The following CLYBL variants were observed in gnomAD, a reference collection of about 807,000 sequenced individuals.
CLYBL encodes citramalyl-CoA lyase, mitochondrial.
In CLYBL, 31 loss-of-function variants were observed where a neutral mutation model predicts 38.9. That is an observed-to-expected ratio of 0.80 (90% confidence interval 0.60 to 1.08). The LOEUF is 1.08. Among genes scored for constraint, CLYBL ranks in the 50% least tolerant of loss-of-function variants. The pLI, the probability that CLYBL is intolerant of heterozygous loss-of-function variation, is 0.00. For missense variants in CLYBL, 434 were observed against 411.6 expected, an observed-to-expected ratio of 1.05 and a Z score of -0.47; for synonymous variants, 171 against 158.6, an observed-to-expected ratio of 1.08 and a Z score of -0.59.
intron 1 of CLYBL, among the ~76,000 whole-genome samples, chr13:99,694,489 T>A (rs542230736): frequency 6.6e-6 from 1 of 152,346 alleles, no homozygotes; most frequent in African/African-American, 2.4e-5. Flanking sequence ...AGCCTGGCAC[T>A]TACCCATCCA....
chr13:99,865,221 A>G lies in CLYBL; in HGVS notation c.634+310A>G. ...CATCTCCTTTGCTCCTAATAAATAT[A>G]TTATGTGAACAGCCTCACCGTTGCT... On this transcript the variant is annotated intron_variant, in intron 5 of 8. Coordinates refer to ENST00000339105, the MANE Select transcript of CLYBL (RefSeq NM_206808.5). The surrounding 1 kb of genome is among the most constrained non-coding windows in gnomAD (Gnocchi z 4.7). The G allele has an allele frequency of 2.7e-6, 1 of 374,156 alleles. No homozygotes were observed. The highest frequency in any genetic ancestry group is 4.2e-4 in the Middle Eastern group (1 of 2,384). The allele number at this position is 374,156 out of a possible 1,614,324, so 23.2% of individuals were successfully genotyped here. A position where few individuals can be genotyped will look rare whatever the true frequency, so the allele number is the denominator to read the frequency against.
At chr13:99,711,634 G>A (rs537978699) in intron 1 of CLYBL, among the ~76,000 whole-genome samples, 6 of 151,318 alleles carry the variant, frequency 4.0e-5, no homozygotes, top group East Asian at 2.0e-4. Flanking sequence ...TTGAACTCCC[G>A]ACCTCAGGTG....
chr13:99,843,704 C>T (rs1434569835), intron 2 of CLYBL, among the ~76,000 whole-genome samples: 4 of 151,120 alleles, frequency 2.6e-5, no homozygotes, highest in Non-Finnish European at 5.9e-5. Context: ...TGGATTCAAG[C>T]GATTCTCCTG....
At chr13:99,800,012 A>AT (rs924396255) in intron 2 of CLYBL, among the ~76,000 whole-genome samples, 1 of 152,186 alleles carries the variant, frequency 6.6e-6, no homozygotes, top group Non-Finnish European at 1.5e-5. Flanking sequence ...GGATTCTTTT[A>AT]TTTTAAGGCT....
chr13:99,856,669 C>T (rs758682369), intron 2 of CLYBL, among the ~76,000 whole-genome samples: 2 of 152,092 alleles, frequency 1.3e-5, no homozygotes, highest in African/African-American at 4.8e-5. Flanking sequence ...GATGGAGTCT[C>T]GCTCTGTGTC....
intron 1 of CLYBL, among the ~76,000 whole-genome samples, chr13:99,689,028 C>T (rs1245718194): frequency 1.3e-5 from 2 of 152,106 alleles, no homozygotes; most frequent in African/African-American, 2.4e-5. Flanking sequence ...TGGAAGGACT[C>T]TCAATAAAAC....
intron 2 of CLYBL, among the ~76,000 whole-genome samples, chr13:99,808,748 G>A (rs961767706): frequency 6.6e-6 from 1 of 152,222 alleles, no homozygotes; most frequent in Non-Finnish European, 1.5e-5. Flanking sequence ...CCTAAGGCAG[G>A]TGAATTTTTG....
At chr13:99,740,809 C>T (rs957172561) in intron 1 of CLYBL, among the ~76,000 whole-genome samples, 5 of 152,134 alleles carry the variant, frequency 3.3e-5, no homozygotes, top group Admixed American at 2.0e-4. Flanking sequence ...CATTTAACGG[C>T]GTGCACACAG....
At chr13:99,624,512 A>G (rs1218869903) in intron 1 of CLYBL, among the ~76,000 whole-genome samples, 1 of 152,214 alleles carries the variant, frequency 6.6e-6, no homozygotes, top group African/African-American at 2.4e-5. Flanking sequence ...TTTTGAACAT[A>G]GGCCAAGGTT....
chr13:99,872,743 G>T (rs1268727764), intron 7 of CLYBL, among the ~76,000 whole-genome samples: 1 of 152,210 alleles, frequency 6.6e-6, no homozygotes, highest in Admixed American at 6.5e-5. Context: ...GCAGATAGGG[G>T]TGTGGGAGAG....
At chr13:99,712,903 T>C (rs1310990705) in intron 1 of CLYBL, among the ~76,000 whole-genome samples, 1 of 152,166 alleles carries the variant, frequency 6.6e-6, no homozygotes, top group East Asian at 1.9e-4. Context: ...AACCATGTCT[T>C]CTTTCTTGGC....
chr13:99,884,592 T>G (rs2052297621), intron 7 of CLYBL, among the ~76,000 whole-genome samples: 1 of 152,264 alleles, frequency 6.6e-6, no homozygotes, highest in African/African-American at 2.4e-5. Context: ...TCACTGTCTA[T>G]TTAATGTCCT....
intron 2 of CLYBL, among the ~76,000 whole-genome samples, chr13:99,810,527 C>T (rs2050320569): frequency 6.6e-6 from 1 of 152,154 alleles, no homozygotes; most frequent in Non-Finnish European, 1.5e-5. Context: ...CGAAGCTTGG[C>T]TGGAGCGGCC....
chr13:99,891,001 T>C (rs1353735595), intron 7 of CLYBL, among the ~76,000 whole-genome samples: 2 of 152,294 alleles, frequency 1.3e-5, no homozygotes, highest in East Asian at 1.9e-4. Flanking sequence ...TTCAAAAATA[T>C]ATAGGGAAGT....
rs911339683 is a variant in CLYBL, at chr13:99,772,710, TA to T, written c.63-107del. 215 of 923,212 alleles carry T rather than the reference TA, an allele frequency of 2.3e-4. No individual in the cohort carries two copies. The African/African-American group carries it at 3.1e-3, about 13-fold the overall frequency. The allele number at this position is 923,212 out of a possible 1,614,324, so 57.2% of individuals were successfully genotyped here. ...AGACCCTGTCTCAAAAAAATAAAAA[TA>T]AAAAAAGATTATCCATGTGTTCTAT... On this transcript the variant is annotated intron_variant, in intron 1 of 8. Coordinates refer to ENST00000339105, the MANE Select transcript of CLYBL (RefSeq NM_206808.5).
chr13:99,705,504 T>C (rs1207025784), intron 1 of CLYBL, among the ~76,000 whole-genome samples: 1 of 151,786 alleles, frequency 6.6e-6, no homozygotes, highest in Non-Finnish European at 1.5e-5. Context: ...CGCTTGGACC[T>C]GGAAGGTGGA....
chr13:99,766,504 C>T (rs904597595), intron 1 of CLYBL, among the ~76,000 whole-genome samples: 7 of 152,190 alleles, frequency 4.6e-5, no homozygotes, highest in Non-Finnish European at 1.0e-4. Flanking sequence ...ACATATCATC[C>T]TCTCATTTAG....
chr13:99,632,599 G>A (rs1425899122), intron 1 of CLYBL, among the ~76,000 whole-genome samples: 1 of 152,108 alleles, frequency 6.6e-6, no homozygotes, highest in Non-Finnish European at 1.5e-5. Context: ...AAAAAAATTA[G>A]CCAGGTGTGC....
At chr13:99,717,843 G>A (rs1426458230) in intron 1 of CLYBL, among the ~76,000 whole-genome samples, 3 of 152,138 alleles carry the variant, frequency 2.0e-5, no homozygotes, top group African/African-American at 7.2e-5. Flanking sequence ...ATGTGTGTGT[G>A]TGTGTATCTG....
Sources: gnomAD v4.1 joint callset for allele counts (sites outside exome capture counted in the v4.1 genomes callset) on GRCh38, gnomAD v4.1.1 for gene constraint, Gnocchi (gnomAD v3.1) non-coding constraint, MANE v1.5 for transcripts, NCBI Gene and HGNC (gene_info 2026-07-23, HGNC 2026-07-21) for gene names.